DNAJC6: variants seen among roughly 807,000 people sequenced by gnomAD.
DNAJC6 encodes DnaJ heat shock protein family (Hsp40) member C6, also known as auxilin.
Under a neutral mutation model 110.0 loss-of-function variants are expected in DNAJC6, and 34 were observed. The observed-to-expected ratio is 0.31, with a 90% CI of 0.24 to 0.41. The LOEUF is 0.41. Ranked by LOEUF, DNAJC6 falls within the 10% of genes least tolerant of loss-of-function variation. The pLI is 1.00. For missense variants in DNAJC6, 1,031 were observed against 1,207.8 expected, an observed-to-expected ratio of 0.85 and a Z score of 2.17; for synonymous variants, 406 against 437.2, an observed-to-expected ratio of 0.93 and a Z score of 0.89.
At chr1:65,366,873 T>C (rs1189303507) in intron 4 of DNAJC6, among the ~76,000 whole-genome samples, 1 of 152,206 alleles carries the variant, frequency 6.6e-6, no homozygotes, top group Non-Finnish European at 1.5e-5. Flanking sequence ...GAATGGACTT[T>C]CTATGCATGG....
chr1:65,267,387 G>A (rs1439023735), intron 1 of DNAJC6, among the ~76,000 whole-genome samples: 1 of 152,194 alleles, frequency 6.6e-6, no homozygotes, highest in Non-Finnish European at 1.5e-5. Flanking sequence ...CAGATTGTGA[G>A]TGGTGAGAAA....
intron 1 of DNAJC6, among the ~76,000 whole-genome samples, chr1:65,352,276 G>A (rs780203697): frequency 1.1e-4 from 17 of 152,088 alleles, no homozygotes; most frequent in Admixed American, 5.9e-4. Context: ...TCCAAGGGGG[G>A]CTTCCAGCTC....
Position 65,336,248 on chromosome 1 carries a change from C to T in DNAJC6, c.193+26310C>T, listed in dbSNP as rs116757639. On this transcript the variant is annotated intron_variant, in intron 1 of 18. Coordinates refer to ENST00000371069, the MANE Select transcript of DNAJC6 (RefSeq NM_001256864.2). ...AGTGCCAAGCAAAAGGAGGAAAAGTCCCCTATGAAACTATTATATCTTGTG... is the reference window on the plus strand; with the variant it reads ...AGTGCCAAGCAAAAGGAGGAAAAGTTCCCTATGAAACTATTATATCTTGTG... Among the ~76,000 whole-genome samples the T allele has an allele frequency of 8.8e-3, 1,335 of 152,154 alleles. 20 individuals carry two copies. Among genetic ancestry groups the T allele is most frequent in the African/African-American group, 0.031 (1,297 of 41,492 alleles).
chr1:65,310,825 T>G (rs1334062498), intron 1 of DNAJC6, among the ~76,000 whole-genome samples: 1 of 152,196 alleles, frequency 6.6e-6, no homozygotes, highest in African/African-American at 2.4e-5. Context: ...TTCGGAGAAT[T>G]GTTTACAGAG....
exon 1 of DNAJC6, chr1:65,264,794 C>T (rs1007491631): frequency 6.5e-7 from 1 of 1,533,300 alleles, no homozygotes; most frequent in Middle Eastern, 2.0e-4. Context: ...CCCGAGTGCT[C>T]CTCCGTTGAG....
At chr1:65,327,034 ATATAAC>A (rs1004646526) in intron 1 of DNAJC6, among the ~76,000 whole-genome samples, 4 of 152,246 alleles carry the variant, frequency 2.6e-5, no homozygotes, top group African/African-American at 9.6e-5. Context: ...AGAAGGGTCT[ATATAAC>A]TATAACAAAG....
At chr1:65,390,833 C>G (rs1645919277) in intron 11 of DNAJC6, among the ~76,000 whole-genome samples, 1 of 152,156 alleles carries the variant, frequency 6.6e-6, no homozygotes, top group Non-Finnish European at 1.5e-5. Flanking sequence ...TTTGGAAAAC[C>G]CAGTGGTATC....
chr1:65,313,219 A>AT (rs1338581703), intron 1 of DNAJC6, among the ~76,000 whole-genome samples: 9,392 of 135,770 alleles, frequency 0.069, 362 homozygotes, highest in Non-Finnish European at 0.084. Context: ...TGCCTGGCTA[A>AT]TTTTTTTTTT....
At chr1:65,327,456 C>G (rs1238722263) in intron 1 of DNAJC6, among the ~76,000 whole-genome samples, 1 of 152,150 alleles carries the variant, frequency 6.6e-6, no homozygotes, top group East Asian at 1.9e-4. Flanking sequence ...TCAAAAGTGA[C>G]TTAGAGCAAG....
intron 1 of DNAJC6, among the ~76,000 whole-genome samples, chr1:65,353,808 C>T (rs1645514754): frequency 6.6e-6 from 1 of 152,020 alleles, no homozygotes; most frequent in African/African-American, 2.4e-5. Flanking sequence ...AAGAAATCTC[C>T]ATCTTTTAGG....
At chr1:65,284,077 C>T (rs780497891) in intron 1 of DNAJC6, among the ~76,000 whole-genome samples, 4 of 152,130 alleles carry the variant, frequency 2.6e-5, no homozygotes, top group African/African-American at 9.7e-5. Context: ...TTATCTCAAT[C>T]CTGCCATCTT....
intron 11 of DNAJC6, among the ~76,000 whole-genome samples, chr1:65,391,231 G>C (rs922550787): frequency 1.3e-5 from 2 of 152,224 alleles, no homozygotes; most frequent in South Asian, 4.1e-4. Context: ...TCATATTCAC[G>C]TCTGTCAGTT....
chr1:65,394,856 A>G, intron 12 of DNAJC6, 42 bp from the exon 13 acceptor site: 1 of 1,534,098 alleles, frequency 6.5e-7, no homozygotes, highest in South Asian at 1.3e-5. Context: ...TTAGTGAATG[A>G]ACTCATGGGA....
intron 1 of DNAJC6, among the ~76,000 whole-genome samples, chr1:65,302,294 A>G (rs1570245027): frequency 9.1e-6 from 1 of 110,390 alleles, no homozygotes; most frequent in African/African-American, 3.5e-5. Context: ...AATATATAAT[A>G]TATATAATAT....
intron 1 of DNAJC6, among the ~76,000 whole-genome samples, chr1:65,286,935 T>G (rs1055808982): frequency 5.3e-5 from 8 of 152,198 alleles, no homozygotes; most frequent in Non-Finnish European, 8.8e-5. Flanking sequence ...GATTCCCATA[T>G]AGGTTTCTTT....
chr1:65,329,642 C>CT (rs1375112510), intron 1 of DNAJC6, among the ~76,000 whole-genome samples: 16 of 152,090 alleles, frequency 1.1e-4, no homozygotes, highest in African/African-American at 3.4e-4. Context: ...AAATCCAAAA[C>CT]TGTCTGTTAC....
intron 4 of DNAJC6, among the ~76,000 whole-genome samples, chr1:65,368,714 T>C (rs138391087): frequency 2.8e-4 from 13 of 47,114 alleles, no homozygotes; most frequent in African/African-American, 2.6e-3. Flanking sequence ...CTCCTTCTTC[T>C]TCCTCTTCTT....
At chr1:65,307,239 A>G (rs1645052778), upstream of DNAJC6, among the ~76,000 whole-genome samples, 1 of 151,880 alleles carries the variant, frequency 6.6e-6, no homozygotes. Context: ...AAATTAACCT[A>G]GTTATTGTAT....
intron 5 of DNAJC6, among the ~76,000 whole-genome samples, chr1:65,382,753 T>A (rs918284206): frequency 6.6e-6 from 1 of 152,226 alleles, no homozygotes; most frequent in Non-Finnish European, 1.5e-5. Context: ...ATAAAGAAGA[T>A]GATATTTCTT....
Sources: allele counts gnomAD v4.1 joint callset (sites outside exome capture counted in the v4.1 genomes callset), GRCh38; gene constraint gnomAD v4.1.1; transcripts MANE v1.5; gene names NCBI Gene and HGNC (gene_info 2026-07-23, HGNC 2026-07-21).